ANO4: variants seen among roughly 807,000 people sequenced by gnomAD.
ANO4 encodes anoctamin 4.
In ANO4, 69 loss-of-function variants were observed where a neutral mutation model predicts 141.9. The ratio of observed to expected loss-of-function variants is 0.49; its 90% CI spans 0.40 to 0.59. The LOEUF is 0.59. ANO4 is among the 20% of genes least tolerant of loss of function. The probability of loss-of-function intolerance (pLI) is 0.00; values close to 1 mark genes in which losing one functional copy is unlikely to be tolerated. For synonymous variants in ANO4, 350 were observed against 394.3 expected, an observed-to-expected ratio of 0.89 and a Z score of 1.33; for missense variants, 894 against 1,162.2, an observed-to-expected ratio of 0.77 and a Z score of 3.36.
upstream of ANO4, among the ~76,000 whole-genome samples, chr12:100,793,596 C>T (rs908041255): frequency 9.2e-5 from 14 of 151,912 alleles, no homozygotes; most frequent in Non-Finnish European, 8.8e-5. Context: ...AAACAAAACC[C>T]GAGGGCATTT....
At chr12:100,932,122 A>G (rs1592753623) in intron 3 of ANO4, among the ~76,000 whole-genome samples, 1 of 152,068 alleles carries the variant, frequency 6.6e-6, no homozygotes, top group South Asian at 2.1e-4. Context: ...ATGAATATAG[A>G]TACTTGGATT....
rs569652528 is a variant in ANO4 at position 101,008,252 on chromosome 12, T to A, written c.735-11782T>A. Among the ~76,000 whole-genome samples, 72 of 152,296 alleles carry A rather than the reference T, an allele frequency of 4.7e-4. 1 individual carries two copies. The South Asian group carries it at 0.014, about 29-fold the overall frequency. On this transcript the variant is annotated intron_variant, in intron 8 of 27. Coordinates refer to ENST00000392977, the MANE Select transcript of ANO4 (RefSeq NM_001286615.2). Reference sequence around the variant, plus strand: ...ACATTTTAAATAGCCCTACAAGGTTTGTTTTGAAAAACAGCAATCCCATGC... The same window carrying A: ...ACATTTTAAATAGCCCTACAAGGTTAGTTTTGAAAAACAGCAATCCCATGC...
chr12:100,808,379 T>C (rs972101725), intron 1 of ANO4, among the ~76,000 whole-genome samples: 3 of 152,208 alleles, frequency 2.0e-5, no homozygotes, highest in Admixed American at 1.3e-4. Context: ...GTTCATGCCC[T>C]TTGCCCACTT....
intron 2 of ANO4, among the ~76,000 whole-genome samples, chr12:100,914,127 G>T (rs1381988246): frequency 6.6e-6 from 1 of 152,186 alleles, no homozygotes; most frequent in Non-Finnish European, 1.5e-5. Context: ...TTGAAGCTTT[G>T]CAATTCTGAC....
chr12:101,020,269 T>C, intron 9 of ANO4, 129 bp downstream of exon 9: 1 of 626,902 alleles, frequency 1.6e-6, no homozygotes, highest in East Asian at 2.8e-5. Flanking sequence ...ACTAATCCTT[T>C]GATGAATAAT....
intron 1 of ANO4, among the ~76,000 whole-genome samples, chr12:100,862,679 T>C (rs1050456428): frequency 6.6e-6 from 1 of 152,208 alleles, no homozygotes. Flanking sequence ...TACACTTTTA[T>C]GCAACTGGCA....
Position 100,806,524 on chromosome 12 carries a change from G to GTTTTTTTTTTTT in ANO4, c.-141+11522_-141+11533dup, listed in dbSNP as rs763949654. On this transcript the variant is annotated intron_variant, in intron 1 of 27. Transcript: ENST00000392977. ...TTTTAGGAGGTTTTTTTTTTGTTTC[G>GTTTTTTTTTTTT]TTTTTTTTTTTTTTTTTTTTTTTTT... Among the ~76,000 whole-genome samples, 45 of 59,876 alleles carry GTTTTTTTTTTTT rather than the reference G, an allele frequency of 7.5e-4. 11 individuals are homozygous for GTTTTTTTTTTTT. The highest frequency in any genetic ancestry group is 2.8e-3 in the East Asian group (4 of 1,448). 39.3% of individuals were successfully genotyped at this position (59,876 alleles called of 152,430 possible).
At chr12:101,019,184 A>G (rs964168229) in intron 8 of ANO4, among the ~76,000 whole-genome samples, 5 of 152,190 alleles carry the variant, frequency 3.3e-5, no homozygotes, top group Non-Finnish European at 4.4e-5. Flanking sequence ...GAAAGTTTGC[A>G]GGGTTGATAA....
chr12:101,076,652 G>A (rs2049036754), intron 14 of ANO4, among the ~76,000 whole-genome samples: 1 of 152,164 alleles, frequency 6.6e-6, no homozygotes, highest in Non-Finnish European at 1.5e-5. Context: ...CAGTAAGACA[G>A]ACTGGATGTG....
intron 8 of ANO4, among the ~76,000 whole-genome samples, chr12:100,991,834 A>G (rs773575379): frequency 9.2e-5 from 14 of 152,208 alleles, no homozygotes; most frequent in Non-Finnish European, 1.9e-4. Flanking sequence ...TAGGAGAATC[A>G]TGTAAGTAAA....
At chr12:101,093,326 A>G (rs1446326833) in intron 17 of ANO4, among the ~76,000 whole-genome samples, 3 of 152,184 alleles carry the variant, frequency 2.0e-5, no homozygotes, top group Non-Finnish European at 4.4e-5. Flanking sequence ...CATCCTGCCC[A>G]CATATAAAGA....
chr12:101,096,401 G>C, intron 18 of ANO4, 135 bp from the exon 19 acceptor site: 1 of 642,944 alleles, frequency 1.6e-6, no homozygotes, highest in Non-Finnish European at 2.8e-6. Flanking sequence ...CACGCCATCC[G>C]TGGGTAAACT....
chr12:100,876,294 A>AC (rs1373416298), intron 1 of ANO4, among the ~76,000 whole-genome samples: 2 of 151,330 alleles, frequency 1.3e-5, no homozygotes, highest in Non-Finnish European at 2.9e-5. Context: ...AAAAAAAAAA[A>AC]AACAGTGGGA....
intron 1 of ANO4, among the ~76,000 whole-genome samples, chr12:100,862,631 A>G (rs2038543277): frequency 6.6e-6 from 1 of 152,116 alleles, no homozygotes; most frequent in African/African-American, 2.4e-5. Flanking sequence ...CTTTATTATC[A>G]TTATTAAGTA....
intron 8 of ANO4, among the ~76,000 whole-genome samples, chr12:101,011,757 T>C (rs1356655053): frequency 2.0e-5 from 3 of 152,188 alleles, no homozygotes; most frequent in Admixed American, 6.6e-5. Flanking sequence ...CCTTGATTAG[T>C]TATCTGTTTC....
At chr12:101,031,854 G>T (rs895104663) in intron 9 of ANO4, among the ~76,000 whole-genome samples, 8 of 152,060 alleles carry the variant, frequency 5.3e-5, no homozygotes, top group Admixed American at 6.6e-5. Flanking sequence ...AGAATAAAAT[G>T]CCTAGGAATA....
upstream of ANO4, among the ~76,000 whole-genome samples, chr12:100,790,600 TC>T (rs1331459700): frequency 6.6e-6 from 1 of 151,950 alleles, no homozygotes; most frequent in Non-Finnish European, 1.5e-5. Context: ...AGCCTAATTC[TC>T]CCTGACTATT....
At chr12:100,751,378 C>T (rs571783016) in intron 3 of ANO4, among the ~76,000 whole-genome samples, 2 of 152,176 alleles carry the variant, frequency 1.3e-5, no homozygotes, top group South Asian at 4.1e-4. Context: ...TTTTCCAACC[C>T]CCAGGAACTG....
intron 3 of ANO4, among the ~76,000 whole-genome samples, chr12:100,767,910 T>G (rs1460796830): frequency 1.3e-5 from 2 of 152,208 alleles, no homozygotes; most frequent in East Asian, 1.9e-4. Context: ...TAGAAACTAG[T>G]TCTGAGGGAG....
Sources: allele counts gnomAD v4.1 joint callset (sites outside exome capture counted in the v4.1 genomes callset), GRCh38; gene constraint gnomAD v4.1.1; transcripts MANE v1.5; gene names NCBI Gene and HGNC (gene_info 2026-07-23, HGNC 2026-07-21).